Variants in BANP observed in about 807,000 individuals in gnomAD.
BANP encodes the protein protein BANP.
A neutral mutation model predicts 68.1 loss-of-function variants in BANP; 11 were observed. The ratio of observed to expected loss-of-function variants is 0.16; its 90% CI spans 0.10 to 0.27. The LOEUF is 0.27. Among genes scored for constraint, BANP ranks in the 10% least tolerant of loss-of-function variants. The probability of loss-of-function intolerance (pLI) is 1.00; values close to 1 mark genes in which losing one functional copy is unlikely to be tolerated. For synonymous variants in BANP, 329 were observed against 303.2 expected, an observed-to-expected ratio of 1.09 and a Z score of -0.88; for missense variants, 504 against 722.7, an observed-to-expected ratio of 0.70 and a Z score of 3.47.
At chr16:87,983,298 T>C (rs2063647889) in intron 3 of BANP, among the ~76,000 whole-genome samples, 1 of 152,202 alleles carries the variant, frequency 6.6e-6, no homozygotes, top group African/African-American at 2.4e-5. Flanking sequence ...TGAGACCTGG[T>C]GGAGGGTGTC....
At chr16:88,058,269 C>T (rs2085673995) in intron 11 of BANP, among the ~76,000 whole-genome samples, 1 of 152,200 alleles carries the variant, frequency 6.6e-6, no homozygotes, top group Admixed American at 6.5e-5. Context: ...AGATCCCTTT[C>T]TTCCTCAAAT....
intron 1 of BANP, among the ~76,000 whole-genome samples, chr16:87,959,191 C>T (rs1045672087): frequency 3.3e-5 from 5 of 152,210 alleles, no homozygotes; most frequent in African/African-American, 9.6e-5. Flanking sequence ...TGAAGCCGCT[C>T]GACTCTGCTG....
intron 2 of BANP, among the ~76,000 whole-genome samples, chr16:87,976,494 A>G (rs1236855791): frequency 2.5e-4 from 3 of 12,058 alleles, no homozygotes; most frequent in South Asian, 1.1e-3. Flanking sequence ...TTTTTTGGCC[A>G]TAAAGTAGTA....
intron 2 of BANP, 123 bp from the exon 3 acceptor site, chr16:87,980,913 G>A: frequency 1.5e-6 from 1 of 668,284 alleles, no homozygotes; most frequent in Non-Finnish European, 2.6e-6. Flanking sequence ...GGTGAAATAT[G>A]AGATAGGTTC....
chr16:88,067,098 G>A lies in BANP; in HGVS notation c.1377+1766G>A, dbSNP rs189302507. Among the ~76,000 whole-genome samples, 664 of 152,354 alleles carry A rather than the reference G, an allele frequency of 4.4e-3. 6 individuals carry two copies. The highest frequency in any genetic ancestry group is 7.4e-3 in the Non-Finnish European group (506 of 68,032). ...TTAATTGGTGTTGGACACACAGCAC[G>A]TGGCGGGATCCTAGGGCCCAGGTGT... is the stretch of plus-strand genomic sequence containing the variant. On this transcript the variant is annotated intron_variant, in intron 12 of 13. Transcript: ENST00000682872.
At chr16:88,073,502 C>T (rs559800035) in intron 13 of BANP, among the ~76,000 whole-genome samples, 22 of 152,296 alleles carry the variant, frequency 1.4e-4, no homozygotes, top group African/African-American at 3.4e-4. Context: ...ACTGGAGATG[C>T]GCTGGAAGCA....
intron 8 of BANP, among the ~76,000 whole-genome samples, chr16:88,032,760 ATTAGT>A (rs1417041640): frequency 1.3e-5 from 2 of 152,234 alleles, no homozygotes; most frequent in Non-Finnish European, 2.9e-5. Context: ...CTTTTGCTCT[ATTAGT>A]TTAATTACCC....
chr16:88,047,083 A>G (rs1035271085), intron 11 of BANP, among the ~76,000 whole-genome samples: 1 of 149,978 alleles, frequency 6.7e-6, no homozygotes, highest in African/African-American at 2.5e-5. Context: ...AAAAAAAAAA[A>G]TCCTTATCAT....
In BANP at chr16:88,068,205, G is replaced by C. The variant is rs181627096; in HGVS notation, c.1377+2873G>C. Among the ~76,000 whole-genome samples, 473 of 152,372 alleles carry C rather than the reference G, an allele frequency of 3.1e-3. 2 individuals are homozygous for C. The highest frequency in any genetic ancestry group is 0.011 in the African/African-American group (442 of 41,590). ...TGTGTGGCACGGGCTCCTGAGAGCT[G>C]GGGATGGAGGAGGTGCGGGCTTACC... On this transcript the variant is annotated intron_variant, in intron 12 of 13. Coordinates refer to ENST00000682872, the MANE Select transcript of BANP (RefSeq NM_001386991.1).
intron 11 of BANP, among the ~76,000 whole-genome samples, chr16:88,056,511 G>T (rs527462211): frequency 2.0e-5 from 3 of 148,674 alleles, no homozygotes; most frequent in Admixed American, 6.7e-5. Flanking sequence ...TGACTGAAAT[G>T]TACACTTTCA....
chr16:88,076,789 C>T lies in BANP; in HGVS notation c.*128C>T, dbSNP rs1404668655. 2.7e-6 allele frequency: 2 copies of T among 741,214 alleles called. No homozygotes were observed. The highest frequency in any genetic ancestry group is 1.8e-5 in the African/African-American group (1 of 55,964). The allele number at this position is 741,214 out of a possible 1,614,324, so 45.9% of individuals were successfully genotyped here. A position where few individuals can be genotyped will look rare whatever the true frequency, so the allele number is the denominator to read the frequency against. Reference sequence around the variant, plus strand: ...TCTGCTGAAGTGCGTCTGAAGGCCGCTGCCTCCGCGGGGAACAGCATCCTA... The same window carrying T: ...TCTGCTGAAGTGCGTCTGAAGGCCGTTGCCTCCGCGGGGAACAGCATCCTA... On this transcript the variant is annotated 3_prime_UTR_variant, in exon 14 of 14. Transcript: ENST00000682872.
intron 11 of BANP, among the ~76,000 whole-genome samples, chr16:88,044,222 C>T (rs1209817403): frequency 3.3e-5 from 5 of 152,232 alleles, no homozygotes; most frequent in Non-Finnish European, 7.3e-5. Context: ...CTGGACTCTA[C>T]CAGCATCTGC....
chr16:88,029,335 T>C (rs1039578430), intron 8 of BANP, among the ~76,000 whole-genome samples: 4 of 109,582 alleles, frequency 3.7e-5, no homozygotes, highest in South Asian at 2.9e-4. Flanking sequence ...AAAAGCCGGG[T>C]GCTGTGGCTC....
chr16:88,040,907 G>T (rs1164091130), intron 11 of BANP, among the ~76,000 whole-genome samples: 1 of 152,236 alleles, frequency 6.6e-6, no homozygotes, highest in Non-Finnish European at 1.5e-5. Context: ...ATTCCCTTCT[G>T]ATTCCCTAGT....
At chr16:88,034,370 T>G (rs1290253599) in intron 9 of BANP, among the ~76,000 whole-genome samples, 1 of 152,244 alleles carries the variant, frequency 6.6e-6, no homozygotes, top group Non-Finnish European at 1.5e-5. Context: ...AAGATCCATT[T>G]CGACTAAGAG....
At chr16:88,005,354 T>G (rs1159263640) in intron 5 of BANP, among the ~76,000 whole-genome samples, 9 of 152,250 alleles carry the variant, frequency 5.9e-5, no homozygotes, top group Non-Finnish European at 1.0e-4. Flanking sequence ...GGCCAGTGTT[T>G]TCAACACCCT....
chr16:88,059,246 G>T (rs2152863422), intron 11 of BANP, among the ~76,000 whole-genome samples: 1 of 151,022 alleles, frequency 6.6e-6, no homozygotes, highest in Middle Eastern at 3.4e-3. Context: ...GGGCAGGTGG[G>T]GGTGGGGTGG....
At chr16:87,973,753 C>CAAAAAAAAAAA (rs58334556) in intron 1 of BANP, among the ~76,000 whole-genome samples, 1 of 99,492 alleles carries the variant, frequency 1.0e-5, no homozygotes, top group Non-Finnish European at 1.8e-5. Context: ...AACTCCATCA[C>CAAAAAAAAAAA]AAAAAAAAAA....
chr16:88,026,140 G>A (rs1385518377), intron 7 of BANP, among the ~76,000 whole-genome samples: 4 of 152,234 alleles, frequency 2.6e-5, no homozygotes, highest in Non-Finnish European at 4.4e-5. Context: ...AGAGCTCTCC[G>A]TAGCGCAGGT....
Sources: gnomAD v4.1 joint callset for allele counts (sites outside exome capture counted in the v4.1 genomes callset) on GRCh38, gnomAD v4.1.1 for gene constraint, MANE v1.5 for transcripts, NCBI Gene and HGNC (gene_info 2026-07-23, HGNC 2026-07-21) for gene names.